The following CAB39 variants were observed in gnomAD, a reference collection of about 807,000 sequenced individuals.
CAB39 encodes the protein calcium binding protein 39.
Under a neutral mutation model 40.0 loss-of-function variants are expected in CAB39, and 8 were observed. That is an observed-to-expected ratio of 0.20 (90% CI 0.12 to 0.36). CAB39 has a LOEUF of 0.36. CAB39 is among the 10% of genes least tolerant of loss of function. The probability of loss-of-function intolerance (pLI) is 1.00; values close to 1 mark genes in which losing one functional copy is unlikely to be tolerated. For missense variants in CAB39, 270 were observed against 401.1 expected, an observed-to-expected ratio of 0.67 and a Z score of 2.79; for synonymous variants, 156 against 141.6, an observed-to-expected ratio of 1.10 and a Z score of -0.72.
chr2:230,769,776 G>A (rs2124929855), intron 2 of CAB39, among the ~76,000 whole-genome samples: 1 of 151,550 alleles, frequency 6.6e-6, no homozygotes, highest in Middle Eastern at 3.4e-3. Context: ...CTCAGGAGTT[G>A]GAGACCAGCC....
intron 5 of CAB39, among the ~76,000 whole-genome samples, chr2:230,799,621 A>C (rs564139013): frequency 6.6e-6 from 1 of 152,370 alleles, no homozygotes; most frequent in East Asian, 1.9e-4. Flanking sequence ...TTACAATGAG[A>C]GCAAGCGTTT....
intron 1 of CAB39, among the ~76,000 whole-genome samples, chr2:230,722,425 G>A (rs1694471196): frequency 6.6e-6 from 1 of 152,146 alleles, no homozygotes; most frequent in African/African-American, 2.4e-5. Context: ...CCAGAATGCT[G>A]GGATTACAGG....
At chr2:230,812,027 C>T (rs1468470119) in intron 6 of CAB39, among the ~76,000 whole-genome samples, 1 of 152,150 alleles carries the variant, frequency 6.6e-6, no homozygotes, top group African/African-American at 2.4e-5. Flanking sequence ...AATTTAAAGC[C>T]ACAGGTGAGG....
At chr2:230,795,534 G>A (rs1289239067) in intron 4 of CAB39, among the ~76,000 whole-genome samples, 3 of 152,114 alleles carry the variant, frequency 2.0e-5, no homozygotes, top group African/African-American at 7.2e-5. Flanking sequence ...TTTGAGGGGG[G>A]CAAAAGTTCA....
chr2:230,771,715 A>G (rs1200124862), intron 2 of CAB39, among the ~76,000 whole-genome samples: 2 of 152,200 alleles, frequency 1.3e-5, no homozygotes, highest in South Asian at 4.1e-4. Context: ...TTAAAAAGCT[A>G]CGGTTGTTAA....
chr2:230,798,880 G>A lies in CAB39; in HGVS notation c.550G>A (p.Ala184Thr). ...GTCAACATTTGACATAGCTTCAGAT[G>A]CATTTGCCACATTCAAGGTAACAAA... ...EMSTFDIASD[A>T]FATFKDLLTR... The change falls in exon 5 of 9, where the codon GCA becomes ACA. Residue 184 changes from alanine (A) to threonine (T), a missense_variant. Physicochemically the swap from Ala to Thr is moderately conservative, Grantham distance 58. Coordinates refer to ENST00000258418, the MANE Select transcript of CAB39 (RefSeq NM_016289.4). 1 of 1,591,030 alleles carries A rather than the reference G, an allele frequency of 6.3e-7. No individual in the cohort carries two copies. Among genetic ancestry groups the A allele is most frequent in the Non-Finnish European group, 8.6e-7 (1 of 1,163,726 alleles).
intron 1 of CAB39, among the ~76,000 whole-genome samples, chr2:230,746,854 TCATGCAAAG>T (rs1206753417): frequency 6.6e-6 from 1 of 152,212 alleles, no homozygotes; most frequent in Non-Finnish European, 1.5e-5. Flanking sequence ...ATCTGGGGTC[TCATGCAAAG>T]CAGCATGCCA....
At chr2:230,790,424 A>ATTATCCTCTTCCCTTATTAT (rs1695874056) in intron 2 of CAB39, among the ~76,000 whole-genome samples, 1 of 151,962 alleles carries the variant, frequency 6.6e-6, no homozygotes, top group Non-Finnish European at 1.5e-5. Context: ...TATTTCCTCC[A>ATTATCCTCTTCCCTTATTAT]CACCTTTTCT....
chr2:230,814,142 T>G (rs1448538929), intron 7 of CAB39, 28 bp downstream of exon 7: 2 of 1,128,916 alleles, frequency 1.8e-6, no homozygotes, highest in African/African-American at 3.1e-5. Context: ...GTATAGCTTA[T>G]TTCTCTGTAC....
At position 230,790,897 on chromosome 2, in the gene CAB39, T is replaced by C; in HGVS notation, c.140T>C (p.Leu47Pro). The change falls in exon 3 of 9, where the codon CTG (leucine) becomes CCG (proline). Residue 47 changes from leucine to proline, a missense_variant. Transcript: ENST00000258418. ...EKATEEVSKN[L>P]VAMKEILYGT... ...GCTACAGAAGAAGTTTCCAAAAATC[T>C]GGTTGCCATGAAAGAAATTCTGTAT... 1 of 1,604,896 alleles carries C rather than the reference T, an allele frequency of 6.2e-7. No homozygotes were observed. The highest frequency in any genetic ancestry group is 8.5e-7 in the Non-Finnish European group (1 of 1,177,762).
chr2:230,763,893 G>A (rs1401075594), intron 2 of CAB39, among the ~76,000 whole-genome samples: 2 of 152,116 alleles, frequency 1.3e-5, no homozygotes, highest in African/African-American at 4.8e-5. Flanking sequence ...AGGCCTAGTC[G>A]AGCGGATCAC....
At chr2:230,763,203 T>A (rs1258480362) in intron 2 of CAB39, among the ~76,000 whole-genome samples, 1 of 152,198 alleles carries the variant, frequency 6.6e-6, no homozygotes, top group Non-Finnish European at 1.5e-5. Flanking sequence ...TTTGAAAATC[T>A]CCGTGTCTGG....
chr2:230,803,501 A>G (rs1696130387), intron 5 of CAB39, among the ~76,000 whole-genome samples: 1 of 152,214 alleles, frequency 6.6e-6, no homozygotes, highest in Non-Finnish European at 1.5e-5. Flanking sequence ...GTATATTTAG[A>G]AAACCCCATC....
At chr2:230,741,955 C>G (rs1694885113) in intron 1 of CAB39, among the ~76,000 whole-genome samples, 1 of 152,094 alleles carries the variant, frequency 6.6e-6, no homozygotes, top group Non-Finnish European at 1.5e-5. Flanking sequence ...CATCCTTTCT[C>G]AAACTGGATA....
chr2:230,751,621 A>C (rs934498381), intron 1 of CAB39, among the ~76,000 whole-genome samples: 1 of 152,206 alleles, frequency 6.6e-6, no homozygotes, highest in South Asian at 2.1e-4. Context: ...GGTATCCTGT[A>C]TATTCTCTAG....
At chr2:230,789,566 G>A (rs1695856444) in intron 2 of CAB39, among the ~76,000 whole-genome samples, 1 of 152,186 alleles carries the variant, frequency 6.6e-6, no homozygotes, top group African/African-American at 2.4e-5. Flanking sequence ...CCATTAGGCT[G>A]GTAGGAAACA....
intron 2 of CAB39, among the ~76,000 whole-genome samples, chr2:230,768,667 G>A (rs188841109): frequency 4.6e-4 from 70 of 152,280 alleles, no homozygotes; most frequent in Non-Finnish European, 8.2e-4. Flanking sequence ...CCAAAAACGG[G>A]TCAATTAGGT....
At chr2:230,744,065 A>T (rs186973066) in intron 1 of CAB39, among the ~76,000 whole-genome samples, 1 of 151,880 alleles carries the variant, frequency 6.6e-6, no homozygotes, top group East Asian at 1.9e-4. Flanking sequence ...GATTACAGGC[A>T]TCTGCCACCA....
Position 230,786,463 on chromosome 2 carries a change from A to G in CAB39, c.115-4409A>G, listed in dbSNP as rs151307035. The stretch of plus-strand genomic sequence containing the variant: ...ATTCAGTGGTTTTTAATTTATTCAC[A>G]AATATGTGTAACCATAACCACAGTT... On this transcript the variant is annotated intron_variant, in intron 2 of 8. Transcript: ENST00000258418. 7.3e-3 allele frequency among the ~76,000 whole-genome samples: 1,115 copies of G among 152,332 alleles called. 17 individuals are homozygous for G. Among genetic ancestry groups the G allele is most frequent in the African/African-American group, 0.025 (1,042 of 41,554 alleles).
Sources: gnomAD v4.1 joint callset for allele counts (sites outside exome capture counted in the v4.1 genomes callset) on GRCh38, gnomAD v4.1.1 for gene constraint, MANE v1.5 for transcripts, NCBI Gene and HGNC (gene_info 2026-07-23, HGNC 2026-07-21) for gene names.